The following HECW1 variants were observed in gnomAD, a reference collection of about 807,000 sequenced individuals.
The protein encoded by HECW1 is E3 ubiquitin-protein ligase HECW1.
HECW1 carries 61 observed loss-of-function variants against 182.3 expected under a neutral mutation model. The ratio of observed to expected loss-of-function variants is 0.33; its 90% CI spans 0.27 to 0.41. The LOEUF is 0.41. Ranked by LOEUF, HECW1 falls within the 10% of genes least tolerant of loss-of-function variation. HECW1 has a pLI of 1.00. For missense variants in HECW1, 1,739 were observed against 2,108.9 expected (o/e 0.82, Z 3.44); for synonymous variants, 859 against 832.6 (o/e 1.03, Z -0.55).
At chr7:43,365,068 T>C (rs1584640242) in intron 6 of HECW1, among the ~76,000 whole-genome samples, 1 of 152,348 alleles carries the variant, frequency 6.6e-6, no homozygotes, top group South Asian at 2.1e-4. Flanking sequence ...GGTCTAGACC[T>C]GACAGTGAGT....
At chr7:43,402,318 G>C (rs1005469786) in intron 7 of HECW1, among the ~76,000 whole-genome samples, 20 of 152,280 alleles carry the variant, frequency 1.3e-4, no homozygotes, top group African/African-American at 4.6e-4. Flanking sequence ...TGCTACCGCG[G>C]GGCCGGAGCC....
rs763749658 is a variant in HECW1 at position 43,463,738 on chromosome 7, A to C, written c.2730A>C (p.Pro910=). Residue 910 remains proline (P), a synonymous_variant, in exon 14 of 30, where the codon CCA becomes CCC. Transcript: ENST00000395891. The part of the protein sequence containing the change: ...DSGSQSCEQA[P]AGGGGGGGSD... ...GCAGCCAAAGCTGCGAGCAAGCCCC[A>C]GCAGGAGGAGGCGGAGGTGGAGGGA... 24 of 1,613,974 alleles carry C rather than the reference A, an allele frequency of 1.5e-5. No homozygotes were observed. The Admixed American group carries it at 4.0e-4, about 27-fold the overall frequency.
chr7:43,438,198 G>A lies in HECW1; in HGVS notation c.944+53G>A, dbSNP rs531672581. 6 of 1,544,268 alleles carry A rather than the reference G, an allele frequency of 3.9e-6. No homozygotes were observed. The East Asian group carries it at 9.1e-5, about 23-fold the overall frequency. On this transcript the variant is annotated intron_variant, in intron 9 of 29. Transcript: ENST00000395891. ...CACTAGGTTCCCACCAACAGGTCGT[G>A]CCCAAAGGTGGCCTGTAGGCTGCAA...
chr7:43,370,989 G>A (rs560498446), intron 6 of HECW1, among the ~76,000 whole-genome samples: 333 of 151,154 alleles, frequency 2.2e-3, no homozygotes, highest in African/African-American at 7.7e-3. Flanking sequence ...CTGGGTTCTC[G>A]CGATTCTACT....
intron 16 of HECW1, among the ~76,000 whole-genome samples, chr7:43,473,672 A>G (rs2078109416): frequency 1.3e-5 from 2 of 152,256 alleles, no homozygotes; most frequent in Admixed American, 1.3e-4. Flanking sequence ...TGAGCAGGGG[A>G]AGGAAAGTTA....
intron 2 of HECW1, among the ~76,000 whole-genome samples, chr7:43,184,920 C>T (rs961920062): frequency 6.6e-6 from 1 of 151,960 alleles, no homozygotes; most frequent in Non-Finnish European, 1.5e-5. Context: ...GTGCCACACA[C>T]CCTTAAACAA....
chr7:43,304,797 A>G (rs1807338896), intron 3 of HECW1, among the ~76,000 whole-genome samples: 1 of 152,200 alleles, frequency 6.6e-6, no homozygotes, highest in South Asian at 2.1e-4. Flanking sequence ...CCCAGCCTCA[A>G]CAAAGTATTT....
rs113898752 is a variant in HECW1, at chr7:43,262,247, C to T, written c.27+18315C>T. Among the ~76,000 whole-genome samples, 79 of 149,574 alleles carry T rather than the reference C, an allele frequency of 5.3e-4. 1 individual carries two copies. In the South Asian group the frequency reaches 0.013, roughly 25 times the overall value. ...AAAAATATATATATATGTATGTGTG[C>T]GTGTGTGTGTGTGTGTGTATAACCT... On this transcript the variant is annotated intron_variant, in intron 3 of 29. Coordinates refer to ENST00000395891, the MANE Select transcript of HECW1 (RefSeq NM_015052.5).
At chr7:43,244,538 G>C (rs36007503) in intron 3 of HECW1, among the ~76,000 whole-genome samples, 6,065 of 152,312 alleles carry the variant, frequency 0.04, 204 homozygotes, top group Non-Finnish European at 0.059. Flanking sequence ...TGGGCACCAT[G>C]AATCATGGTT....
At chr7:43,174,357 G>A (rs1791999887) in intron 2 of HECW1, among the ~76,000 whole-genome samples, 1 of 152,210 alleles carries the variant, frequency 6.6e-6, no homozygotes, top group Non-Finnish European at 1.5e-5. Context: ...GGGTCTCAGA[G>A]CCAACCAGCC....
intron 24 of HECW1, among the ~76,000 whole-genome samples, chr7:43,510,666 A>G (rs961813973): frequency 6.6e-6 from 1 of 152,192 alleles, no homozygotes; most frequent in African/African-American, 2.4e-5. Context: ...ATCACAAGGG[A>G]AAAATATCGC....
chr7:43,393,677 C>T (rs1437635311), intron 6 of HECW1, among the ~76,000 whole-genome samples: 7 of 139,236 alleles, frequency 5.0e-5, no homozygotes, highest in African/African-American at 1.4e-4. Context: ...TTTTCTTCTT[C>T]TTTTTTTTTT....
At chr7:43,360,501 A>G (rs1257781999) in intron 5 of HECW1, among the ~76,000 whole-genome samples, 1 of 152,228 alleles carries the variant, frequency 6.6e-6, no homozygotes, top group African/African-American at 2.4e-5. Flanking sequence ...TCTTTCTGCA[A>G]ATTACCAAGA....
At chr7:43,141,542 C>A (rs1261996783) in intron 2 of HECW1, among the ~76,000 whole-genome samples, 1 of 152,026 alleles carries the variant, frequency 6.6e-6, no homozygotes, top group Non-Finnish European at 1.5e-5. Flanking sequence ...TGTTGTTGCC[C>A]AGGCTAGAGT....
chr7:43,300,850 C>T (rs1806670164), intron 3 of HECW1, among the ~76,000 whole-genome samples: 1 of 152,148 alleles, frequency 6.6e-6, no homozygotes. Context: ...ACGATGACCT[C>T]CCACACTGAT....
In HECW1 at chr7:43,267,162, A is replaced by G. The variant is rs1009314670; in HGVS notation, c.27+23230A>G. 5.9e-5 allele frequency among the ~76,000 whole-genome samples: 9 copies of G among 152,316 alleles called. No homozygotes were observed. The South Asian group carries it at 1.9e-3, about 32-fold the overall frequency. The stretch of plus-strand genomic sequence containing the variant: ...TAAAACTTGTACTGACCATTTTGCC[A>G]TGAAATAGACTATGTCATCATTGCA... On this transcript the variant is annotated intron_variant, in intron 3 of 29. Transcript: ENST00000395891.
intron 16 of HECW1, among the ~76,000 whole-genome samples, chr7:43,475,820 C>T (rs974267323): frequency 6.6e-6 from 1 of 152,132 alleles, no homozygotes; most frequent in Admixed American, 6.5e-5. Context: ...ACTTTGGCCT[C>T]CCAAAGTGCT....
chr7:43,119,230 G>A (rs1019453357), intron 2 of HECW1: 1 of 152,268 alleles, frequency 6.6e-6, no homozygotes, highest in Non-Finnish European at 1.5e-5. Context: ...TCCCCTCCCT[G>A]TTGTCATTAG....
intron 2 of HECW1, among the ~76,000 whole-genome samples, chr7:43,207,236 G>A (rs553073920): frequency 2.6e-5 from 4 of 152,094 alleles, no homozygotes; most frequent in South Asian, 2.1e-4. Context: ...TAGTAAAGAC[G>A]GGGTTTCACC....
Sources: gnomAD v4.1 joint callset for allele counts (sites outside exome capture counted in the v4.1 genomes callset) on GRCh38, gnomAD v4.1.1 for gene constraint, MANE v1.5 for transcripts, NCBI Gene and HGNC (gene_info 2026-07-23, HGNC 2026-07-21) for gene names.